The following GPHN variants were observed in gnomAD, a reference collection of about 807,000 sequenced individuals.
The protein encoded by GPHN is gephyrin.
Under a neutral mutation model 95.5 loss-of-function variants are expected in GPHN, and 17 were observed. The ratio of observed to expected loss-of-function variants is 0.18; its 90% CI spans 0.12 to 0.27. The LOEUF (loss-of-function observed/expected upper bound fraction) is 0.27, where lower values mean the gene tolerates loss of function less well. Ranked by LOEUF, GPHN falls within the 10% of genes least tolerant of loss-of-function variation. The pLI is 1.00. For missense variants in GPHN, 660 were observed against 978.1 expected (o/e 0.67, Z 4.34); for synonymous variants, 320 against 322.5 (o/e 0.99, Z 0.08).
the GPHN span, among the ~76,000 whole-genome samples, chr14:67,544,437 G>GA: frequency 6.6e-6 from 1 of 151,822 alleles, no homozygotes; most frequent in Non-Finnish European, 1.5e-5. Context: ...GATCCACACA[G>GA]AAAAAAAGCC....
intron 1 of GPHN, among the ~76,000 whole-genome samples, chr14:66,512,148 G>A (rs2058063106): frequency 6.6e-6 from 1 of 151,894 alleles, no homozygotes; most frequent in African/African-American, 2.4e-5. Flanking sequence ...GAAACAGGAT[G>A]TGGTGCAGAT....
At chr14:67,208,030 C>A in the GPHN span, 1 of 501,868 alleles carries the variant, frequency 2.0e-6, no homozygotes, top group Non-Finnish European at 2.6e-6. Context: ...CCAACACACC[C>A]GGGGCTCTCC....
At chr14:67,204,560 CTCTT>C in the GPHN span, 1 of 1,613,406 alleles carries the variant, frequency 6.2e-7, no homozygotes, top group Non-Finnish European at 8.5e-7. Context: ...CAGTTTGTGA[CTCTT>C]TCTGTGCATG....
the GPHN span, among the ~76,000 whole-genome samples, chr14:67,248,362 A>T: frequency 6.6e-6 from 1 of 152,190 alleles, no homozygotes. Flanking sequence ...TCTTAAAAAA[A>T]AAAGGAAACC....
intron 1 of GPHN, among the ~76,000 whole-genome samples, chr14:66,510,651 A>C (rs1380510553): frequency 6.6e-6 from 1 of 152,206 alleles, no homozygotes; most frequent in East Asian, 1.9e-4. Flanking sequence ...TGACTACCTG[A>C]AGGGAGAATT....
chr14:67,576,644 G>A, the GPHN span: 3 of 542,796 alleles, frequency 5.5e-6, no homozygotes, highest in African/African-American at 1.9e-5. This position sits in a 1 kb window ranked among gnomAD's most constrained non-coding sequence, Gnocchi z 4.0. Context: ...TCCCATCCAA[G>A]CTCCAGGGCC....
chr14:66,630,823 A>G (rs1363140854), intron 1 of GPHN, among the ~76,000 whole-genome samples: 3 of 152,092 alleles, frequency 2.0e-5, no homozygotes, highest in African/African-American at 7.2e-5. Flanking sequence ...CATGCCAGTT[A>G]ATTACATAGT....
the GPHN span, among the ~76,000 whole-genome samples, chr14:67,238,005 A>T: frequency 6.6e-6 from 1 of 152,196 alleles, no homozygotes; most frequent in Non-Finnish European, 1.5e-5. Context: ...GGGGGAAAAA[A>T]GTAGTTAACC....
At chr14:67,184,083 C>T (rs192106682), downstream of GPHN, among the ~76,000 whole-genome samples, 718 of 152,172 alleles carry the variant, frequency 4.7e-3, 4 homozygotes, top group Non-Finnish European at 7.3e-3. Context: ...TCTCAGCCTC[C>T]CACAGTGCTG....
chr14:66,530,594 A>G (rs552803188), intron 1 of GPHN, among the ~76,000 whole-genome samples: 64 of 152,254 alleles, frequency 4.2e-4, no homozygotes, highest in African/African-American at 1.5e-3. Flanking sequence ...TGGCACAGGC[A>G]CCAGAGGGAA....
At chr14:67,282,819 C>T in the GPHN span, among the ~76,000 whole-genome samples, 39 of 152,056 alleles carry the variant, frequency 2.6e-4, 2 homozygotes, top group African/African-American at 7.9e-4. Context: ...GAGAAATCCT[C>T]GGAAAAGAAA....
the GPHN span, among the ~76,000 whole-genome samples, chr14:67,493,561 G>T: frequency 6.6e-6 from 1 of 152,190 alleles, no homozygotes; most frequent in East Asian, 1.9e-4. Context: ...CCTGAGTGCT[G>T]GTTTCACTTT....
chr14:66,766,759 A>G (rs976922398), intron 2 of GPHN, among the ~76,000 whole-genome samples: 5 of 152,146 alleles, frequency 3.3e-5, no homozygotes, highest in African/African-American at 1.2e-4. Context: ...ATGTGTTTGT[A>G]TATGTATATA....
chr14:66,973,652 G>T (rs370264134), intron 9 of GPHN, among the ~76,000 whole-genome samples: 1 of 152,198 alleles, frequency 6.6e-6, no homozygotes, highest in East Asian at 1.9e-4. Flanking sequence ...CCAGCTACTC[G>T]GGAGGCTGAG....
chr14:66,640,023 A>G (rs1272415822), intron 1 of GPHN, among the ~76,000 whole-genome samples: 2 of 152,156 alleles, frequency 1.3e-5, no homozygotes, highest in African/African-American at 2.4e-5. Flanking sequence ...GACTGGAGTA[A>G]AGGCATTTAT....
At chr14:66,583,734 C>T (rs1008661449) in intron 1 of GPHN, among the ~76,000 whole-genome samples, 1 of 152,000 alleles carries the variant, frequency 6.6e-6, no homozygotes, top group Non-Finnish European at 1.5e-5. Context: ...TGTTCTGTTC[C>T]AGTGGTCTAT....
At chr14:66,982,008 A>C (rs2070714912) in intron 9 of GPHN, among the ~76,000 whole-genome samples, 1 of 152,182 alleles carries the variant, frequency 6.6e-6, no homozygotes, top group South Asian at 2.1e-4. Flanking sequence ...AACTAAAGAA[A>C]AATATGAATG....
At chr14:67,025,831 C>G (rs1020853520) in intron 10 of GPHN, among the ~76,000 whole-genome samples, 1 of 152,122 alleles carries the variant, frequency 6.6e-6, no homozygotes, top group Non-Finnish European at 1.5e-5. Flanking sequence ...TAACCAAGTC[C>G]TTAGAAACTG....
chr14:67,191,387 T>C, the GPHN span, among the ~76,000 whole-genome samples: 1 of 152,212 alleles, frequency 6.6e-6, no homozygotes, highest in Admixed American at 6.5e-5. Context: ...CACATGGTAA[T>C]GGTCAACAGG....
Sources: gnomAD v4.1 joint callset for allele counts (sites outside exome capture counted in the v4.1 genomes callset) on GRCh38, gnomAD v4.1.1 for gene constraint, Gnocchi (gnomAD v3.1) non-coding constraint, MANE v1.5 for transcripts, NCBI Gene and HGNC (gene_info 2026-07-23, HGNC 2026-07-21) for gene names.